EXOC4: variants seen among roughly 807,000 people sequenced by gnomAD.
The protein encoded by EXOC4 is exocyst complex component 4.
EXOC4 carries 71 observed loss-of-function variants against 107.2 expected under a neutral mutation model. The observed-to-expected ratio is 0.66, with a 90% CI of 0.55 to 0.81. The LOEUF (loss-of-function observed/expected upper bound fraction) is 0.81, where lower values mean the gene tolerates loss of function less well. EXOC4 is among the 30% of genes least tolerant of loss of function. EXOC4 has a pLI of 0.00. For synonymous variants in EXOC4, 456 were observed against 441.2 expected (o/e 1.03, Z -0.42); for missense variants, 1,108 against 1,189.6 (o/e 0.93, Z 1.01).
intron 11 of EXOC4, among the ~76,000 whole-genome samples, chr7:133,865,911 T>C (rs1798629748): frequency 6.6e-6 from 1 of 152,182 alleles, no homozygotes; most frequent in South Asian, 2.1e-4. Context: ...AGCCAAATCA[T>C]ATCATCAATC....
chr7:133,755,453 C>T (rs1795896564), intron 10 of EXOC4, among the ~76,000 whole-genome samples: 1 of 148,068 alleles, frequency 6.8e-6, no homozygotes, highest in Non-Finnish European at 1.5e-5. Flanking sequence ...AAGCGATTCT[C>T]CTGCCTCAGC....
At chr7:133,843,853 T>C (rs1377961558) in intron 11 of EXOC4, among the ~76,000 whole-genome samples, 1 of 152,222 alleles carries the variant, frequency 6.6e-6, no homozygotes, top group East Asian at 1.9e-4. Context: ...CCTACTTTCT[T>C]GAGGGTTTTT....
At chr7:133,409,468 A>G (rs1035102547) in intron 7 of EXOC4, among the ~76,000 whole-genome samples, 1 of 152,066 alleles carries the variant, frequency 6.6e-6, no homozygotes, top group Non-Finnish European at 1.5e-5. Flanking sequence ...TGGAGGCTAA[A>G]TTTCTTTATC....
Position 133,311,054 on chromosome 7 carries a change from A to G in EXOC4, c.656+4993A>G, listed in dbSNP as rs368935999. ...AAATGAAAGAAAGGTACATGCTCAC[A>G]TACAAAAAATAATAAAAATTTTACT... On this transcript the variant is annotated intron_variant, in intron 4 of 17. Coordinates refer to ENST00000253861, the MANE Select transcript of EXOC4 (RefSeq NM_021807.4). Among the ~76,000 whole-genome samples the G allele has an allele frequency of 7.2e-5, 11 of 152,348 alleles. No homozygotes were observed. In the Middle Eastern group the frequency reaches 0.01, roughly 141 times the overall value.
intron 10 of EXOC4, among the ~76,000 whole-genome samples, chr7:133,639,175 GTA>G (rs555042115): frequency 3.2e-3 from 492 of 152,188 alleles, no homozygotes; most frequent in African/African-American, 0.012. Context: ...CTTTAATAAC[GTA>G]TATTCCTTTG....
At chr7:133,601,080 C>G (rs1801794573) in intron 9 of EXOC4, among the ~76,000 whole-genome samples, 1 of 152,152 alleles carries the variant, frequency 6.6e-6, no homozygotes, top group Non-Finnish European at 1.5e-5. Flanking sequence ...CCAGCTTCCC[C>G]TTTGTTTATA....
chr7:133,958,945 G>A (rs1416925971), intron 14 of EXOC4, among the ~76,000 whole-genome samples: 1 of 152,152 alleles, frequency 6.6e-6, no homozygotes, highest in Non-Finnish European at 1.5e-5. Context: ...CTATTGGCTG[G>A]CATCCAGGAA....
intron 10 of EXOC4, among the ~76,000 whole-genome samples, chr7:133,763,747 A>G (rs1796081238): frequency 6.6e-6 from 1 of 151,988 alleles, no homozygotes; most frequent in Admixed American, 6.6e-5. Context: ...AAGAGGGGGA[A>G]ATTATAGTTT....
At chr7:133,762,862 A>G (rs1796061338) in intron 10 of EXOC4, among the ~76,000 whole-genome samples, 1 of 152,136 alleles carries the variant, frequency 6.6e-6, no homozygotes, top group Non-Finnish European at 1.5e-5. Context: ...ACACCAAGAC[A>G]TTGATAATGT....
At chr7:133,936,719 G>T (rs905437365) in intron 13 of EXOC4, among the ~76,000 whole-genome samples, 1 of 152,130 alleles carries the variant, frequency 6.6e-6, no homozygotes, top group South Asian at 2.1e-4. Flanking sequence ...GAGTGCAGTG[G>T]CACGATCTCG....
chr7:134,017,823 G>T (rs1585325193), intron 17 of EXOC4, among the ~76,000 whole-genome samples: 2 of 152,246 alleles, frequency 1.3e-5, no homozygotes, highest in South Asian at 2.1e-4. Flanking sequence ...GATTAAGTAA[G>T]ATTTCTTTTG....
intron 7 of EXOC4, among the ~76,000 whole-genome samples, chr7:133,465,705 C>G (rs1256562970): frequency 1.3e-5 from 2 of 151,948 alleles, no homozygotes; most frequent in African/African-American, 2.4e-5. Flanking sequence ...CTGACCGCAA[C>G]AGAATTAAAC....
rs146892228 is a variant in EXOC4 at position 133,287,224 on chromosome 7, G to A, written c.277-1698G>A. On this transcript the variant is annotated intron_variant, in intron 2 of 17. Transcript: ENST00000253861. ...ATTACCTTGGTGGGATTGCAGGAAG[G>A]AGTAGAAATAATTGGAATCATCTTC... is the stretch of plus-strand genomic sequence containing the variant. Among the ~76,000 whole-genome samples the A allele has an allele frequency of 1.0e-3, 154 of 152,192 alleles. 1 individual carries two copies. The highest frequency in any genetic ancestry group is 3.5e-3 in the African/African-American group (144 of 41,516).
At chr7:133,568,593 T>C (rs1456605097) in intron 9 of EXOC4, among the ~76,000 whole-genome samples, 1 of 152,202 alleles carries the variant, frequency 6.6e-6, no homozygotes, top group Non-Finnish European at 1.5e-5. Context: ...CTTCACTATT[T>C]CAACCAGTTT....
At chr7:133,757,675 C>T (rs932326449) in intron 10 of EXOC4, among the ~76,000 whole-genome samples, 10 of 152,174 alleles carry the variant, frequency 6.6e-5, no homozygotes, top group African/African-American at 2.4e-4. Flanking sequence ...ACAAGGTATT[C>T]GTATATCTGG....
intron 13 of EXOC4, among the ~76,000 whole-genome samples, chr7:133,926,575 T>G (rs1413171252): frequency 6.6e-6 from 1 of 152,198 alleles, no homozygotes; most frequent in East Asian, 1.9e-4. Flanking sequence ...AATAATCTAT[T>G]GAATATAGGT....
intron 3 of EXOC4, among the ~76,000 whole-genome samples, chr7:133,291,735 G>C (rs1794410704): frequency 6.6e-6 from 1 of 152,036 alleles, no homozygotes; most frequent in Non-Finnish European, 1.5e-5. Context: ...AGTGTTCTAA[G>C]AGAATCTCCT....
chr7:133,645,548 C>A (rs1802969927), intron 10 of EXOC4, among the ~76,000 whole-genome samples: 1 of 152,002 alleles, frequency 6.6e-6, no homozygotes, highest in Non-Finnish European at 1.5e-5. Context: ...ATAACTAGAA[C>A]TTGAATGATT....
chr7:133,612,938 T>C (rs1347856753), intron 9 of EXOC4, among the ~76,000 whole-genome samples: 2 of 152,178 alleles, frequency 1.3e-5, no homozygotes, highest in Non-Finnish European at 2.9e-5. Flanking sequence ...ACTTTTTGGA[T>C]GTGTAGTTGG....
Sources: allele counts gnomAD v4.1 joint callset (sites outside exome capture counted in the v4.1 genomes callset), GRCh38; gene constraint gnomAD v4.1.1; transcripts MANE v1.5; gene names NCBI Gene and HGNC (gene_info 2026-07-23, HGNC 2026-07-21).